The following TTN variants were observed in gnomAD, a reference collection of about 807,000 sequenced individuals.
The protein encoded by TTN is connectin.
In TTN, 1,525 loss-of-function variants were observed where a neutral mutation model predicts 3,223.0. The observed-to-expected ratio is 0.47, with a 90% CI of 0.45 to 0.49. TTN has a LOEUF of 0.49. Among genes scored for constraint, TTN ranks in the 20% least tolerant of loss-of-function variants. The pLI is 0.00. For missense variants in TTN, 40,786 were observed against 43,424.0 expected (o/e 0.94, Z 5.40); for synonymous variants, 14,094 against 15,161.0 (o/e 0.93, Z 5.17).
chr2:178,557,350 A>T lies in TTN; in HGVS notation c.87912T>A (p.Ala29304=). ...ACACCCTGAATTCATAAATAAGTCC[A>T]GCACTGATTGTTGTGACTTTGAAGT... ...TTHFKVTTIS[A]GLIYEFRVYA... Residue 29304 remains alanine (A), a synonymous_variant, in exon 329 of 363, where the codon GCT becomes GCA. Transcript: ENST00000589042. 1 of 1,614,000 alleles carries T rather than the reference A, an allele frequency of 6.2e-7. No homozygotes were observed. Among genetic ancestry groups the T allele is most frequent in the Non-Finnish European group, 8.5e-7 (1 of 1,179,870 alleles).
In TTN at chr2:178,552,571, C is replaced by T; in HGVS notation, c.90329G>A (p.Gly30110Glu). 1 of 1,613,794 alleles carries T rather than the reference C, an allele frequency of 6.2e-7. No individual in the cohort carries two copies. Among genetic ancestry groups the T allele is most frequent in the Non-Finnish European group, 8.5e-7 (1 of 1,179,812 alleles). ...EFRVFAKNEK[G>E]LSDPVTIGPI... ...CCCAATAGTGACAGGATCACTCAGTCCTTTCTCATTTTTGGCAAACACTCT... is the reference window on the plus strand; with the variant it reads ...CCCAATAGTGACAGGATCACTCAGTTCTTTCTCATTTTTGGCAAACACTCT... The change falls in exon 335 of 363, where the codon GGA becomes GAA. Residue 30110 changes from glycine to glutamate, a missense_variant. Coordinates refer to ENST00000589042, the MANE Select transcript of TTN (RefSeq NM_001267550.2).
rs1697978280 is a variant in TTN, at chr2:178,548,206, A to C, written c.93420T>G (p.Asp31140Glu). ...AVLAWLKPDH[D>E]GGSRITGYLL... ...GGTAGCCAGTGATCCGGCTGCCTCC[A>C]TCGTGGTCAGGTTTAAGCCAAGCTA... is the stretch of plus-strand genomic sequence containing the variant. Residue 31140 changes from aspartate to glutamate, a missense_variant, in exon 339 of 363, where the codon GAT (aspartate) becomes GAG (glutamate). Transcript: ENST00000589042. The surrounding 1 kb of genome is among the most constrained non-coding windows in gnomAD (Gnocchi z 4.3). 1 of 1,613,860 alleles carries C rather than the reference A, an allele frequency of 6.2e-7. No homozygotes were observed. The highest frequency in any genetic ancestry group is 2.2e-5 in the East Asian group (1 of 44,868).
rs571195235 is a variant in TTN at position 178,734,457 on chromosome 2, A to G, written c.15367T>C (p.Leu5123=). Reference sequence around the variant, plus strand: ...CACACAAGAGACTTCTGAGAAAACAATCTGTATTTTTTACTACTTCGAATT... The same window carrying G: ...CACACAAGAGACTTCTGAGAAAACAGTCTGTATTTTTTACTACTTCGAATT... ...KQIRSSKKYR[L]FSQKSLVCLE... The change falls in exon 52 of 363, where the codon TTG becomes CTG. Residue 5123 remains leucine (L), a synonymous_variant. Coordinates refer to ENST00000589042, the MANE Select transcript of TTN (RefSeq NM_001267550.2). 1 of 1,613,768 alleles carries G rather than the reference A, an allele frequency of 6.2e-7. No individual in the cohort carries two copies. The highest frequency in any genetic ancestry group is 8.5e-7 in the Non-Finnish European group (1 of 1,179,752).
rs1244996285 is a variant in TTN at position 178,589,764 on chromosome 2, A to G, written c.61961T>C (p.Ile20654Thr). The change falls in exon 304 of 363, where the codon ATC (isoleucine) becomes ACC (threonine). Residue 20654 changes from isoleucine (I) to threonine (T), a missense_variant. Ile to Thr is a moderately conservative substitution (Grantham distance 89). Transcript: ENST00000589042. ...AENKVGVGPT[I>T]ETKTPILAIN... is the part of the protein sequence containing the mutation. ...AGCCAGAATGGGAGTTTTTGTTTCG[A>G]TGGTTGGCCCAACACCTACTTTATT... The G allele has an allele frequency of 6.2e-7, 1 of 1,613,494 alleles. No individual in the cohort carries two copies. Among genetic ancestry groups the G allele is most frequent in the South Asian group, 1.1e-5 (1 of 91,062 alleles).
At position 178,551,277 on chromosome 2, in the gene TTN, A is replaced by T; in HGVS notation, c.91271-17T>A. The T allele has an allele frequency of 6.2e-7, 1 of 1,601,610 alleles. No homozygotes were observed. Among genetic ancestry groups the T allele is most frequent in the Non-Finnish European group, 8.5e-7 (1 of 1,176,076 alleles). On this transcript the variant is annotated splice_polypyrimidine_tract_variant and intron_variant, in intron 335 of 362. Transcript: ENST00000589042. The stretch of plus-strand genomic sequence containing the variant: ...CAGGTGGGTCTAAAAAATTATAAGG[A>T]AGGTAAATGCATCATTACATTTGTA...
At chr2:178,802,813 C>T (rs1220679558) in intron 2 of TTN, among the ~76,000 whole-genome samples, 2 of 152,166 alleles carry the variant, frequency 1.3e-5, no homozygotes, top group Non-Finnish European at 2.9e-5. Flanking sequence ...GGAGGCATGC[C>T]CTCCTCCCTC....
intron 1 of TTN, among the ~76,000 whole-genome samples, chr2:178,806,598 T>G (rs1429107336): frequency 6.6e-6 from 1 of 152,256 alleles, no homozygotes; most frequent in Non-Finnish European, 1.5e-5. Context: ...TGATCTTACA[T>G]TCCTATTGTC....
Position 178,632,924 on chromosome 2 carries a change from C to G in TTN, c.43207G>C (p.Val14403Leu). Residue 14403 changes from valine (V) to leucine (L), a missense_variant, in exon 234 of 363, where the codon GTG becomes CTG. Val to Leu is a conservative substitution (Grantham distance 32). Coordinates refer to ENST00000589042, the MANE Select transcript of TTN (RefSeq NM_001267550.2). The stretch of plus-strand genomic sequence containing the variant: ...GCTGACAAGTAGAGCATACCTTTCA[C>G]TTTCAGATTGGCTGCAGATTTGGCA... ...ANAKSAANLK[V>L]KELPLIFITP... 1.2e-6 allele frequency: 2 copies of G among 1,612,788 alleles called. No homozygotes were observed. Among genetic ancestry groups the G allele is most frequent in the Middle Eastern group, 1.7e-4 (1 of 6,046 alleles).
rs766846339 is a variant in TTN, at chr2:178,581,481, C to G, written c.66769+18G>C. On this transcript the variant is annotated intron_variant, in intron 316 of 362. Transcript: ENST00000589042. ...ATTAATAGGAAAAGCCTTATGTACT[C>G]CCCCTGGTAATACTTACTTAAGATG... 1 of 1,565,264 alleles carries G rather than the reference C, an allele frequency of 6.4e-7. No individual in the cohort carries two copies. Among genetic ancestry groups the G allele is most frequent in the Non-Finnish European group, 8.7e-7 (1 of 1,151,672 alleles).
At position 178,706,651 on chromosome 2, in the gene TTN, T is replaced by C. The variant is rs769407898; in HGVS notation, c.29223A>G (p.Gln9741=). 2 of 1,613,960 alleles carry C rather than the reference T, an allele frequency of 1.2e-6. No homozygotes were observed. The highest frequency in any genetic ancestry group is 1.7e-6 in the Non-Finnish European group (2 of 1,179,836). Residue 9741 remains glutamine (Q), a synonymous_variant, in exon 102 of 363, where the codon CAA becomes CAG. Transcript: ENST00000589042. ...WTKGKWRQLN[Q]GGRVFIHQKG... ...TTTGGTGGATGAAAACACGACCTCC[T>C]TGGTTCAGCTGTCTCCACTTCCCTT... is the stretch of plus-strand genomic sequence containing the variant.
chr2:178,584,137 C>T (rs1227817777), intron 311 of TTN, 139 bp downstream of exon 311: 8 of 1,112,858 alleles, frequency 7.2e-6, no homozygotes, highest in East Asian at 2.5e-5. Context: ...AGAGATAGAA[C>T]ATATTCTTAA....
Position 178,580,516 on chromosome 2 carries a change from C to T in TTN, c.66863G>A (p.Arg22288His), listed in dbSNP as rs537871205. 19 of 1,612,818 alleles carry T rather than the reference C, an allele frequency of 1.2e-5. No individual in the cohort carries two copies. Among genetic ancestry groups the T allele is most frequent in the African/African-American group, 4.0e-5 (3 of 74,976 alleles). ...AGACCAAGTAATCTTTGGAGGTGGG[C>T]GTCCTTTTACTGGTACATATAGTCT... ...TMRLYVPVKG[R>H]PPPKITWSKP... The change falls in exon 317 of 363, where the codon CGC (arginine) becomes CAC (histidine). Residue 22288 changes from arginine (R) to histidine (H), a missense_variant. By Grantham distance (29) the Arg-to-His change is conservative. Coordinates refer to ENST00000589042, the MANE Select transcript of TTN (RefSeq NM_001267550.2).
At chr2:178,610,055 G>T in intron 271 of TTN, 35 bp downstream of exon 271, 1 of 1,611,976 alleles carries the variant, frequency 6.2e-7, no homozygotes, top group Non-Finnish European at 8.5e-7. Context: ...TGGTTTATTA[G>T]TTCTTAGCCA....
intron 174 of TTN, 75 bp downstream of exon 174, chr2:178,662,891 C>T (rs2065013570): frequency 5.0e-6 from 8 of 1,608,548 alleles, no homozygotes; most frequent in African/African-American, 1.3e-5. Context: ...GCAAATACAA[C>T]TTGTGAGATC....
intron 90 of TTN, 75 bp downstream of exon 90, chr2:178,714,911 C>A: frequency 6.6e-7 from 1 of 1,526,426 alleles, no homozygotes; most frequent in Non-Finnish European, 8.8e-7. Flanking sequence ...TAAGACTGGG[C>A]TGGGGTGGAG....
In TTN at chr2:178,721,956, A is replaced by G. The variant is rs761045260; in HGVS notation, c.22707T>C (p.Thr7569=). 6.2e-7 allele frequency: 1 copy of G among 1,613,596 alleles called. No individual in the cohort carries two copies. The highest frequency in any genetic ancestry group is 1.7e-5 in the Admixed American group (1 of 60,000). ...CTACTTTAAGAATTCTCAAATGAGG[A>G]GTGTTTCCCACACATGTGATTGTAT... is the stretch of plus-strand genomic sequence containing the variant. ...GNYTITCVGN[T]PHLRILKVGK... is the part of the protein sequence containing the mutation. Residue 7569 remains threonine (T), a synonymous_variant, in exon 78 of 363, where the codon ACT becomes ACC. Transcript: ENST00000589042.
Position 178,607,808 on chromosome 2 carries a change from G to A in TTN, c.52979C>T (p.Pro17660Leu). The A allele has an allele frequency of 1.2e-6, 2 of 1,612,952 alleles. No homozygotes were observed. The highest frequency in any genetic ancestry group is 1.3e-5 in the African/African-American group (1 of 74,952). ...ACCTTGTGGTTCAGCCACAGTAACAGGTTGTGTTTCTCCAGGCGGTCCTTC... is the reference window on the plus strand; with the variant it reads ...ACCTTGTGGTTCAGCCACAGTAACAAGTTGTGTTTCTCCAGGCGGTCCTTC... ...AGEGPPGETQ[P>L]VTVAEPQEPP... The change falls in exon 276 of 363, where the codon CCT becomes CTT. Residue 17660 changes from proline (P) to leucine (L), a missense_variant. Physicochemically the swap from Pro to Leu is moderately conservative, Grantham distance 98 (BLOSUM62 -3). Transcript: ENST00000589042.
At position 178,790,596 on chromosome 2, in the gene TTN, A is replaced by G. The variant is rs911913299; in HGVS notation, c.1800+112T>C. On this transcript the variant is annotated intron_variant, in intron 11 of 362. Coordinates refer to ENST00000589042, the MANE Select transcript of TTN (RefSeq NM_001267550.2). The stretch of plus-strand genomic sequence containing the variant: ...GGAAAAGAAATTTTCTATTTGCATT[A>G]TAAGAAGAGGTGGAAGTGAAGAAGT... The G allele has an allele frequency of 6.5e-6, 10 of 1,543,032 alleles. No homozygotes were observed. In the African/African-American group the frequency reaches 1.4e-4, roughly 21 times the overall value.
At chr2:178,559,169 G>A (rs942026708) in intron 326 of TTN, 142 bp downstream of exon 326, 5 of 682,534 alleles carry the variant, frequency 7.3e-6, no homozygotes, top group Non-Finnish European at 9.3e-6. Flanking sequence ...ATTCCATTTT[G>A]TGCCATAGTA....
Sources: allele counts gnomAD v4.1 joint callset (sites outside exome capture counted in the v4.1 genomes callset), GRCh38; gene constraint gnomAD v4.1.1; non-coding constraint Gnocchi (gnomAD v3.1); transcripts MANE v1.5; gene names NCBI Gene and HGNC (gene_info 2026-07-23, HGNC 2026-07-21).